POLR3B: variants seen among roughly 807,000 people sequenced by gnomAD.
POLR3B encodes RNA polymerase III subunit B.
A neutral mutation model predicts 147.4 loss-of-function variants in POLR3B; 96 were observed. That is an observed-to-expected ratio of 0.65 (90% CI 0.55 to 0.77). POLR3B has a LOEUF of 0.77. Ranked by LOEUF, POLR3B falls within the 30% of genes least tolerant of loss-of-function variation. The probability of loss-of-function intolerance (pLI) is 0.00; values close to 1 mark genes in which losing one functional copy is unlikely to be tolerated. For synonymous variants in POLR3B, 461 were observed against 485.9 expected (o/e 0.95, Z 0.67); for missense variants, 1,036 against 1,413.5 (o/e 0.73, Z 4.28).
At chr12:106,379,734 A>G (rs1035023594) in intron 8 of POLR3B, among the ~76,000 whole-genome samples, 1 of 152,244 alleles carries the variant, frequency 6.6e-6, no homozygotes, top group Non-Finnish European at 1.5e-5. Context: ...CACTGGATCA[A>G]AGTAATTCAA....
At chr12:106,419,794 C>CTT (rs56756383) in intron 12 of POLR3B, among the ~76,000 whole-genome samples, 3,191 of 88,654 alleles carry the variant, frequency 0.036, 278 homozygotes, top group African/African-American at 0.11. Flanking sequence ...TTTAGTTTTG[C>CTT]TTTTTTTTTT....
chr12:106,385,726 G>A (rs1365585052), intron 9 of POLR3B, among the ~76,000 whole-genome samples: 2 of 152,162 alleles, frequency 1.3e-5, no homozygotes, highest in Non-Finnish European at 2.9e-5. Context: ...GACAAGTCAG[G>A]TTCTTTAACT....
intron 12 of POLR3B, among the ~76,000 whole-genome samples, chr12:106,421,326 A>T (rs914866554): frequency 2.0e-5 from 3 of 152,136 alleles, no homozygotes; most frequent in African/African-American, 7.2e-5. Context: ...TCATGGAGTC[A>T]GAGTCAAGTT....
chr12:106,474,830 T>C (rs1291029042), intron 23 of POLR3B, among the ~76,000 whole-genome samples: 1 of 152,052 alleles, frequency 6.6e-6, no homozygotes, highest in African/African-American at 2.4e-5. Context: ...CTGGATCCAT[T>C]GATTTTTTGA....
rs193222182 is a variant in POLR3B, at chr12:106,457,125, G to T, written c.2294-13G>T. ...TACTGGTGGTTCTAATGCCCATCTT[G>T]GTTTCATTTTAGGCTTTGGGCGTTG... On this transcript the variant is annotated splice_polypyrimidine_tract_variant and intron_variant, in intron 20 of 27. Coordinates refer to ENST00000228347, the MANE Select transcript of POLR3B (RefSeq NM_018082.6). The T allele has an allele frequency of 5.6e-6, 9 of 1,610,232 alleles. No homozygotes were observed. In the African/African-American group the frequency reaches 9.4e-5, roughly 17 times the overall value.
chr12:106,370,961 T>G (rs899380245), intron 6 of POLR3B, among the ~76,000 whole-genome samples: 5 of 152,160 alleles, frequency 3.3e-5, no homozygotes, highest in Non-Finnish European at 7.3e-5. Flanking sequence ...ACTTCTTTCT[T>G]TCTTGTATAT....
At chr12:106,364,117 C>T (rs1371211047) in intron 2 of POLR3B, among the ~76,000 whole-genome samples, 1 of 152,274 alleles carries the variant, frequency 6.6e-6, no homozygotes, top group East Asian at 1.9e-4. Flanking sequence ...GTAGTACATG[C>T]ACAGTAGCAT....
chr12:106,434,994 A>G (rs2037558597), intron 16 of POLR3B, among the ~76,000 whole-genome samples: 1 of 152,062 alleles, frequency 6.6e-6, no homozygotes. Flanking sequence ...GTTGGACTTG[A>G]TTCATTCTCC....
intron 23 of POLR3B, among the ~76,000 whole-genome samples, chr12:106,471,503 C>T (rs2038091731): frequency 6.6e-6 from 1 of 152,094 alleles, no homozygotes; most frequent in African/African-American, 2.4e-5. Context: ...TGAGATGAAC[C>T]AGGTACCTCA....
At chr12:106,413,532 A>G (rs1216833109) in intron 12 of POLR3B, among the ~76,000 whole-genome samples, 1 of 152,192 alleles carries the variant, frequency 6.6e-6, no homozygotes, top group African/African-American at 2.4e-5. Context: ...TGAATGGCAC[A>G]GAACCATTGT....
intron 4 of POLR3B, among the ~76,000 whole-genome samples, chr12:106,368,940 G>T (rs2036567427): frequency 6.6e-6 from 1 of 151,054 alleles, no homozygotes; most frequent in Non-Finnish European, 1.5e-5. Context: ...TTGCCTTTAT[G>T]GCCTCTTCTT....
chr12:106,457,178 G>A lies in POLR3B; in HGVS notation c.2334G>A (p.Thr778=), dbSNP rs150800622. The stretch of plus-strand genomic sequence containing the variant: ...TTGTATATAAAAATGCTAAATGTAC[G>A]TTGAAACGATACACCAATCAGACTT... ...RCLVYKNAKC[T]LKRYTNQTFD... Residue 778 remains threonine, a synonymous_variant, in exon 21 of 28, where the codon ACG becomes ACA. Transcript: ENST00000228347. 4.5e-4 allele frequency: 719 copies of A among 1,613,226 alleles called. 1 individual carries two copies. Among genetic ancestry groups the A allele is most frequent in the South Asian group, 6.4e-4 (58 of 91,054 alleles).
At chr12:106,376,244 A>G in intron 6 of POLR3B, 115 bp from the exon 7 acceptor site, 1 of 738,848 alleles carries the variant, frequency 1.4e-6, no homozygotes. Flanking sequence ...CTTTTCTAAC[A>G]TGGTGCATAG....
intron 8 of POLR3B, among the ~76,000 whole-genome samples, chr12:106,378,625 T>G (rs921375226): frequency 6.6e-6 from 1 of 152,170 alleles, no homozygotes; most frequent in Non-Finnish European, 1.5e-5. Flanking sequence ...AATTTTATGT[T>G]AGCTTATAGA....
intron 9 of POLR3B, among the ~76,000 whole-genome samples, chr12:106,386,354 A>AAG (rs2036837746): frequency 6.6e-6 from 1 of 151,918 alleles, no homozygotes; most frequent in African/African-American, 2.4e-5. Flanking sequence ...AAAAAAAAAA[A>AAG]AAAGAAAACT....
intron 6 of POLR3B, among the ~76,000 whole-genome samples, chr12:106,371,030 C>T (rs2036599862): frequency 6.6e-6 from 1 of 152,068 alleles, no homozygotes; most frequent in Non-Finnish European, 1.5e-5. Context: ...ACTAGATTGA[C>T]TATTGTGAAG....
chr12:106,473,181 C>T (rs1212669773), intron 23 of POLR3B, among the ~76,000 whole-genome samples: 2 of 60,020 alleles, frequency 3.3e-5, no homozygotes, highest in Non-Finnish European at 3.0e-5. Flanking sequence ...TGTAGGTATG[C>T]GGCGTTATTT....
rs989668160 is a variant in POLR3B at position 106,504,151 on chromosome 12, G to A, written c.3169G>A (p.Gly1057Ser). ...LGEMERDCLI[G>S]YGASMLLLER... ...GGAAATGGAACGTGACTGTTTAATC[G>A]GTTATGGAGCCAGTATGCTTTTGCT... The change falls in exon 27 of 28, where the codon GGT (glycine) becomes AGT (serine). Residue 1057 changes from glycine (G) to serine (S), a missense_variant. Around this residue, in one of 12 missense-constraint regions of POLR3B, gnomAD observed 18 missense variants for 73.4 expected, o/e 0.25. Transcript: ENST00000228347. The surrounding 1 kb of genome is among the most constrained non-coding windows in gnomAD (Gnocchi z 4.6). The A allele has an allele frequency of 6.2e-6, 10 of 1,613,924 alleles. No individual in the cohort carries two copies. The highest frequency in any genetic ancestry group is 6.8e-6 in the Non-Finnish European group (8 of 1,179,918).
chr12:106,358,100 G>C (rs943693973), intron 1 of POLR3B, 149 bp downstream of exon 1: 1 of 1,515,342 alleles, frequency 6.6e-7, no homozygotes, highest in Non-Finnish European at 8.8e-7. Flanking sequence ...GCGCTTGCGA[G>C]TCTTTTTTCC....
Sources: allele counts gnomAD v4.1 joint callset (sites outside exome capture counted in the v4.1 genomes callset), GRCh38; gene constraint gnomAD v4.1.1; regional missense constraint gnomAD v4.1.1; non-coding constraint Gnocchi (gnomAD v3.1); transcripts MANE v1.5; gene names NCBI Gene and HGNC (gene_info 2026-07-23, HGNC 2026-07-21).